EVI5: variants seen among roughly 807,000 people sequenced by gnomAD.
EVI5 encodes the protein ecotropic viral integration site 5 protein homolog.
In EVI5, 73 loss-of-function variants were observed where a neutral mutation model predicts 112.0. That is an observed-to-expected ratio of 0.65 (90% CI 0.54 to 0.79). EVI5 has a LOEUF of 0.79. Ranked by LOEUF, EVI5 falls within the 30% of genes least tolerant of loss-of-function variation. EVI5 has a pLI of 0.00. For synonymous variants in EVI5, 305 were observed against 319.9 expected, an observed-to-expected ratio of 0.95 and a Z score of 0.50; for missense variants, 900 against 968.8, an observed-to-expected ratio of 0.93 and a Z score of 0.94.
chr1:92,730,163 A>G (rs902207138), intron 2 of EVI5, among the ~76,000 whole-genome samples: 1 of 151,916 alleles, frequency 6.6e-6, no homozygotes, highest in Non-Finnish European at 1.5e-5. Flanking sequence ...CCAGGAGTTT[A>G]AGACCAGCCT....
intron 10 of EVI5, among the ~76,000 whole-genome samples, chr1:92,674,256 T>TA (rs1558043511): frequency 6.6e-6 from 1 of 152,024 alleles, no homozygotes; most frequent in Non-Finnish European, 1.5e-5. Context: ...AGGGTCTAAG[T>TA]AAAAAAATCA....
chr1:92,745,985 T>C (rs1456451768), intron 1 of EVI5, among the ~76,000 whole-genome samples: 1 of 152,202 alleles, frequency 6.6e-6, no homozygotes, highest in East Asian at 1.9e-4. Context: ...CAACCTAACT[T>C]AGTTGGCAAA....
chr1:92,764,764 C>T (rs1682355716), intron 1 of EVI5, among the ~76,000 whole-genome samples: 1 of 152,068 alleles, frequency 6.6e-6, no homozygotes, highest in Non-Finnish European at 1.5e-5. Context: ...ATAGTCATTG[C>T]TAGGTTATAC....
chr1:92,658,465 T>C (rs979146785), intron 13 of EVI5, among the ~76,000 whole-genome samples: 23 of 152,158 alleles, frequency 1.5e-4, no homozygotes, highest in African/African-American at 5.5e-4. Flanking sequence ...AATCTAGAAG[T>C]AAATTCCATT....
rs72016918 is a variant in EVI5 at position 92,739,273 on chromosome 1, C to CA, written c.-81-2647dup. Among the ~76,000 whole-genome samples, 227 of 76,464 alleles carry CA rather than the reference C, an allele frequency of 3.0e-3. 22 individuals are homozygous for CA. Among genetic ancestry groups the CA allele is most frequent in the African/African-American group, 0.01 (198 of 18,886 alleles). The allele number at this position is 76,464 out of a possible 152,430, so 50.2% of individuals were successfully genotyped here. A position where few individuals can be genotyped will look rare whatever the true frequency, so the allele number is the denominator to read the frequency against. ...GAGCAACAAAAGCGAAACTCCGTCT[C>CA]AAAAAAAAAAAAAAAAAAAGCGAAC... On this transcript the variant is annotated intron_variant, in intron 1 of 19. Transcript: ENST00000684568.
chr1:92,568,766 C>T (rs905650412), intron 18 of EVI5, among the ~76,000 whole-genome samples: 2 of 152,160 alleles, frequency 1.3e-5, no homozygotes, highest in Admixed American at 6.5e-5. Flanking sequence ...CGCCATGATC[C>T]ACTTCCATTT....
At chr1:92,521,937 A>G (rs1661004598) in intron 19 of EVI5, among the ~76,000 whole-genome samples, 1 of 152,234 alleles carries the variant, frequency 6.6e-6, no homozygotes, top group African/African-American at 2.4e-5. Flanking sequence ...CAATCCGGAG[A>G]TAATCCATTA....
upstream of EVI5, among the ~76,000 whole-genome samples, chr1:92,785,380 C>G (rs976647885): frequency 3.9e-5 from 6 of 152,208 alleles, no homozygotes; most frequent in Admixed American, 3.9e-4. Context: ...GGGCCCGAAG[C>G]GACCCCGAGC....
intron 1 of EVI5, among the ~76,000 whole-genome samples, chr1:92,762,961 A>C (rs907107418): frequency 2.0e-5 from 3 of 152,108 alleles, no homozygotes; most frequent in Admixed American, 6.6e-5. Context: ...TGTACCCCTA[A>C]ATCTGTAAAA....
chr1:92,750,961 T>C (rs1435538608), intron 1 of EVI5, among the ~76,000 whole-genome samples: 1 of 152,086 alleles, frequency 6.6e-6, no homozygotes, highest in East Asian at 1.9e-4. Flanking sequence ...CCATCCTGGC[T>C]AACACGGTAA....
At chr1:92,777,812 A>AC (rs1684349628) in intron 1 of EVI5, among the ~76,000 whole-genome samples, 1 of 152,116 alleles carries the variant, frequency 6.6e-6, no homozygotes, top group African/African-American at 2.4e-5. Context: ...TGTTTTTAGG[A>AC]CACAAGCCAT....
intron 19 of EVI5, among the ~76,000 whole-genome samples, chr1:92,557,917 T>TTATC (rs1667933617): frequency 6.6e-6 from 1 of 151,426 alleles, no homozygotes; most frequent in African/African-American, 2.4e-5. Flanking sequence ...ATTTATTTAT[T>TTATC]TGTAGAGACA....
At chr1:92,669,732 TC>T (rs963408189) in intron 10 of EVI5, among the ~76,000 whole-genome samples, 14 of 152,040 alleles carry the variant, frequency 9.2e-5, no homozygotes, top group Non-Finnish European at 1.5e-4. Flanking sequence ...TGGAACTTCT[TC>T]CAGTATATTT....
intron 18 of EVI5, among the ~76,000 whole-genome samples, chr1:92,603,278 G>A (rs1257805699): frequency 6.6e-6 from 1 of 152,102 alleles, no homozygotes; most frequent in African/African-American, 2.4e-5. Flanking sequence ...TAGGTTCTGT[G>A]GAAAATGGTA....
At chr1:92,605,469 T>C in intron 17 of EVI5, 67 bp from the exon 18 acceptor site, 3 of 1,056,408 alleles carry the variant, frequency 2.8e-6, no homozygotes, top group Non-Finnish European at 4.4e-6. Flanking sequence ...TTTAGAAAAG[T>C]AATAGGTTGC....
rs570391393 is a variant in EVI5 at position 92,596,009 on chromosome 1, C to G, written c.2070+9298G>C. Among the ~76,000 whole-genome samples the G allele has an allele frequency of 2.6e-5, 4 of 152,190 alleles. No homozygotes were observed. The East Asian group carries it at 5.8e-4, about 22-fold the overall frequency. On this transcript the variant is annotated intron_variant, in intron 18 of 19. Transcript: ENST00000684568. Reference sequence around the variant, plus strand: ...TGGGTTTTCATACAAACAACAAAATCTCATTTTAAAATTTTCTCTATGCCT... The same window carrying G: ...TGGGTTTTCATACAAACAACAAAATGTCATTTTAAAATTTTCTCTATGCCT...
At chr1:92,784,317 C>A (rs1685304905) in intron 1 of EVI5, 2 of 985,302 alleles carry the variant, frequency 2.0e-6, no homozygotes, top group South Asian at 9.4e-5. Context: ...GGAATGGCTA[C>A]AAACTCTTCT....
At chr1:92,757,907 C>CAAA (rs71091299) in intron 1 of EVI5, among the ~76,000 whole-genome samples, 5 of 70,290 alleles carry the variant, frequency 7.1e-5, no homozygotes, top group Admixed American at 1.8e-4. Context: ...GACTCTGCCT[C>CAAA]AAAAAAAAAA....
chr1:92,612,636 G>A (rs528149389), intron 16 of EVI5, among the ~76,000 whole-genome samples: 3 of 150,288 alleles, frequency 2.0e-5, no homozygotes, highest in Non-Finnish European at 3.0e-5. Flanking sequence ...CTTCAACCCC[G>A]GAGGCGGAGG....
Sources: allele counts gnomAD v4.1 joint callset (sites outside exome capture counted in the v4.1 genomes callset), GRCh38; gene constraint gnomAD v4.1.1; transcripts MANE v1.5; gene names NCBI Gene and HGNC (gene_info 2026-07-23, HGNC 2026-07-21).